VSTM4: variants seen among roughly 807,000 people sequenced by gnomAD.
The protein encoded by VSTM4 is V-set and transmembrane domain-containing protein 4.
In VSTM4, 20 loss-of-function variants were observed where a neutral mutation model predicts 36.4. The observed-to-expected ratio is 0.55, with a 90% CI of 0.39 to 0.80. VSTM4 has a LOEUF of 0.80. Among genes scored for constraint, VSTM4 ranks in the 30% least tolerant of loss-of-function variants. The probability of loss-of-function intolerance (pLI) is 0.00; values close to 1 mark genes in which losing one functional copy is unlikely to be tolerated. For synonymous variants in VSTM4, 182 were observed against 173.9 expected, an observed-to-expected ratio of 1.05 and a Z score of -0.37; for missense variants, 392 against 404.5, an observed-to-expected ratio of 0.97 and a Z score of 0.26.
At chr10:49,102,689 TGAC>T (rs1301989384) in intron 2 of VSTM4, 2 of 985,210 alleles carry the variant, frequency 2.0e-6, no homozygotes, top group Non-Finnish European at 2.4e-6. Flanking sequence ...CCAGAGAGGG[TGAC>T]TACATCCACC....
chr10:49,086,550 C>T (rs1171558284), intron 2 of VSTM4, among the ~76,000 whole-genome samples: 1 of 152,192 alleles, frequency 6.6e-6, no homozygotes, highest in African/African-American at 2.4e-5. Context: ...TTCATTTTGC[C>T]TGCTTTCAAC....
intron 5 of VSTM4, among the ~76,000 whole-genome samples, chr10:49,052,931 G>T (rs1431597642): frequency 6.6e-6 from 1 of 152,150 alleles, no homozygotes; most frequent in African/African-American, 2.4e-5. Flanking sequence ...TTTAGACAAT[G>T]AATCACCACA....
At chr10:49,022,183 G>A (rs1048829848) in intron 7 of VSTM4, among the ~76,000 whole-genome samples, 13 of 151,934 alleles carry the variant, frequency 8.6e-5, no homozygotes, top group Admixed American at 6.6e-5. Context: ...ATAAAAGTTG[G>A]TCATGAATTT....
At chr10:49,101,000 A>G (rs1172395137) in intron 2 of VSTM4, among the ~76,000 whole-genome samples, 1 of 152,100 alleles carries the variant, frequency 6.6e-6, no homozygotes, top group African/African-American at 2.4e-5. Flanking sequence ...ATTAGCTACT[A>G]TATACCTTAT....
At chr10:49,040,051 G>A (rs539507552) in intron 7 of VSTM4, among the ~76,000 whole-genome samples, 1 of 152,126 alleles carries the variant, frequency 6.6e-6, no homozygotes, top group Admixed American at 6.5e-5. Flanking sequence ...GGGATGCTTG[G>A]GCCAATGCCT....
At chr10:49,064,211 A>G (rs550354208) in intron 5 of VSTM4, 173 of 153,994 alleles carry the variant, frequency 1.1e-3, no homozygotes, top group Non-Finnish European at 2.2e-3. Context: ...AGAAGGAAGA[A>G]ATTGACCTAT....
intron 2 of VSTM4, among the ~76,000 whole-genome samples, chr10:49,105,470 T>G (rs1590136527): frequency 3.4e-4 from 43 of 127,458 alleles, no homozygotes; most frequent in Middle Eastern, 4.0e-3. Flanking sequence ...AGGCGGGGAG[T>G]GAAGGGAAGG....
In VSTM4 at chr10:49,035,553, G is replaced by A. The variant is rs77264561; in HGVS notation, c.837+11430C>T. ...CCCCAGTTTTAAAACATTTCTTGAG[G>A]CCAGGTGCAGTGGCTCACACCTGTA... On this transcript the variant is annotated intron_variant, in intron 7 of 7. Transcript: ENST00000332853. Among the ~76,000 whole-genome samples the A allele has an allele frequency of 2.0e-3, 297 of 151,194 alleles. 3 individuals are homozygous for A. The highest frequency in any genetic ancestry group is 7.0e-3 in the African/African-American group (290 of 41,220).
intron 5 of VSTM4, among the ~76,000 whole-genome samples, chr10:49,049,968 CT>C (rs1843672693): frequency 6.6e-6 from 1 of 152,188 alleles, no homozygotes; most frequent in African/African-American, 2.4e-5. Context: ...TATGGATATC[CT>C]TGCACATGTA....
intron 1 of VSTM4, among the ~76,000 whole-genome samples, chr10:49,109,028 A>C (rs1266220739): frequency 3.9e-5 from 6 of 152,120 alleles, no homozygotes; most frequent in East Asian, 1.9e-4. Flanking sequence ...GGATGCCTGG[A>C]ACCTCTTTCT....
At chr10:49,056,279 C>T (rs559231195) in intron 5 of VSTM4, among the ~76,000 whole-genome samples, 30 of 152,320 alleles carry the variant, frequency 2.0e-4, no homozygotes, top group Admixed American at 8.5e-4. Flanking sequence ...GCCAGGCTGG[C>T]GTTTTTGTTT....
chr10:49,032,762 A>G (rs1454522188), intron 7 of VSTM4, among the ~76,000 whole-genome samples: 2 of 152,136 alleles, frequency 1.3e-5, no homozygotes, highest in African/African-American at 4.8e-5. Context: ...ACACTCTAGC[A>G]AGAACACCTG....
chr10:49,038,834 C>T (rs533425343), intron 7 of VSTM4, among the ~76,000 whole-genome samples: 169 of 152,198 alleles, frequency 1.1e-3, no homozygotes, highest in African/African-American at 3.7e-3. Flanking sequence ...CAGATGGCTG[C>T]TGTGCCTGTG....
At chr10:49,050,660 C>T (rs142243322) in intron 5 of VSTM4, among the ~76,000 whole-genome samples, 226 of 152,268 alleles carry the variant, frequency 1.5e-3, no homozygotes, top group African/African-American at 5.0e-3. Flanking sequence ...ACAAGGGATC[C>T]TAAATTCTCA....
chr10:49,052,523 AC>A (rs1843714189), intron 5 of VSTM4, among the ~76,000 whole-genome samples: 1 of 145,556 alleles, frequency 6.9e-6, no homozygotes, highest in Non-Finnish European at 1.5e-5. Flanking sequence ...TTTGCAAGCA[AC>A]TTTTACACCA....
chr10:49,035,115 G>A (rs1843407711), intron 7 of VSTM4, among the ~76,000 whole-genome samples: 1 of 152,096 alleles, frequency 6.6e-6, no homozygotes, highest in Non-Finnish European at 1.5e-5. Flanking sequence ...AGGGTGGACT[G>A]CACAACCAGG....
chr10:49,070,360 A>G (rs1281750881), intron 4 of VSTM4, among the ~76,000 whole-genome samples: 2 of 152,122 alleles, frequency 1.3e-5, no homozygotes, highest in African/African-American at 4.8e-5. Flanking sequence ...GTTAAGTAAA[A>G]ATATTAAAAT....
intron 1 of VSTM4, among the ~76,000 whole-genome samples, chr10:49,114,094 A>G (rs929389411): frequency 2.0e-5 from 3 of 152,178 alleles, no homozygotes; most frequent in African/African-American, 7.2e-5. Context: ...AGAGACCACG[A>G]GAACTGGCCC....
chr10:49,066,030 G>A (rs773483272), intron 4 of VSTM4, among the ~76,000 whole-genome samples: 2 of 151,904 alleles, frequency 1.3e-5, no homozygotes, highest in Non-Finnish European at 2.9e-5. Flanking sequence ...AAGCTTATTA[G>A]ATGGATCAGT....
Sources: gnomAD v4.1 joint callset for allele counts (sites outside exome capture counted in the v4.1 genomes callset) on GRCh38, gnomAD v4.1.1 for gene constraint, MANE v1.5 for transcripts, NCBI Gene and HGNC (gene_info 2026-07-23, HGNC 2026-07-21) for gene names.